The following UBXN7 variants were observed in gnomAD, a reference collection of about 807,000 sequenced individuals.
The protein encoded by UBXN7 is UBX domain-containing protein 7.
UBXN7 carries 9 observed loss-of-function variants against 58.0 expected under a neutral mutation model. The observed-to-expected ratio is 0.16, with a 90% CI of 0.09 to 0.27. The LOEUF (loss-of-function observed/expected upper bound fraction) is 0.27, where lower values mean the gene tolerates loss of function less well. UBXN7 is among the 10% of genes least tolerant of loss of function. The probability of loss-of-function intolerance (pLI) is 1.00; values close to 1 mark genes in which losing one functional copy is unlikely to be tolerated. For missense variants in UBXN7, 328 were observed against 599.6 expected (o/e 0.55, Z 4.73); for synonymous variants, 208 against 205.0 (o/e 1.01, Z -0.12).
intron 1 of UBXN7, among the ~76,000 whole-genome samples, chr3:196,409,865 C>T (rs1730268124): frequency 6.6e-6 from 1 of 152,052 alleles, no homozygotes; most frequent in African/African-American, 2.4e-5. Flanking sequence ...TCCACCAGAC[C>T]TGCTTTAAAG....
chr3:196,362,819 G>A (rs1728540079), intron 8 of UBXN7, 132 bp from the exon 9 acceptor site: 3 of 1,178,296 alleles, frequency 2.5e-6, no homozygotes, highest in African/African-American at 1.5e-5. Context: ...TACTTTAAGA[G>A]CAAGGACTGT....
chr3:196,371,607 G>A (rs1728833964), intron 6 of UBXN7, among the ~76,000 whole-genome samples: 1 of 151,814 alleles, frequency 6.6e-6, no homozygotes, highest in Non-Finnish European at 1.5e-5. Flanking sequence ...TCAGCCTCCC[G>A]AGTAGCTGGG....
chr3:196,428,309 C>T (rs531766233), intron 1 of UBXN7, among the ~76,000 whole-genome samples: 15 of 151,892 alleles, frequency 9.9e-5, no homozygotes, highest in African/African-American at 3.6e-4. Flanking sequence ...TGTATTTTAG[C>T]TGGGCATGGT....
intron 5 of UBXN7, among the ~76,000 whole-genome samples, chr3:196,384,551 A>G (rs549112307): frequency 6.6e-6 from 1 of 152,366 alleles, no homozygotes; most frequent in East Asian, 1.9e-4. Flanking sequence ...AAAATCCTCA[A>G]TAAAATACTG....
chr3:196,390,680 G>A (rs569659693), intron 5 of UBXN7, among the ~76,000 whole-genome samples: 1 of 151,222 alleles, frequency 6.6e-6, no homozygotes, highest in Admixed American at 6.6e-5. Context: ...GGCGGAGGTT[G>A]CAGTGAGCTG....
At chr3:196,387,668 T>A (rs893777237) in intron 5 of UBXN7, among the ~76,000 whole-genome samples, 1 of 152,188 alleles carries the variant, frequency 6.6e-6, no homozygotes, top group African/African-American at 2.4e-5. Flanking sequence ...CATCTATCTA[T>A]GCAGCGAACA....
In UBXN7 at chr3:196,353,276, A is replaced by C. The variant is rs539838207; in HGVS notation, c.*3409T>G. 3 of 152,318 alleles carry C rather than the reference A, an allele frequency of 2.0e-5. No homozygotes were observed. The highest frequency in any genetic ancestry group is 2.0e-4 in the Admixed American group (3 of 15,294). The allele number at this position is 152,318 out of a possible 1,614,324, so 9.4% of individuals were successfully genotyped here. A position where few individuals can be genotyped will look rare whatever the true frequency, so the allele number is the denominator to read the frequency against. On this transcript the variant is annotated 3_prime_UTR_variant, in exon 11 of 11. Coordinates refer to ENST00000296328, the MANE Select transcript of UBXN7 (RefSeq NM_015562.2). The stretch of plus-strand genomic sequence containing the variant: ...ATAAGTTCTCTATACCTGTTTTCTT[A>C]ACATGGGAAGAAAGTATACATTTTG...
chr3:196,351,676 G>A lies in UBXN7; in HGVS notation c.*5009C>T, dbSNP rs114347396. 6.6e-6 allele frequency: 1 copy of A among 152,142 alleles called. No homozygotes were observed. The highest frequency in any genetic ancestry group is 1.5e-5 in the Non-Finnish European group (1 of 68,024). 9.4% of individuals were successfully genotyped at this position (152,142 alleles called of 1,614,324 possible). A position where few individuals can be genotyped will look rare whatever the true frequency, so the allele number is the denominator to read the frequency against. ...TCTAGTCCAATTATCTCATTTTTCA[G>A]ACGAGAAACCAGAGATTAAGAAGAA... On this transcript the variant is annotated 3_prime_UTR_variant, in exon 11 of 11. Coordinates refer to ENST00000296328, the MANE Select transcript of UBXN7 (RefSeq NM_015562.2).
intron 1 of UBXN7, among the ~76,000 whole-genome samples, chr3:196,421,649 C>G (rs572135367): frequency 6.6e-6 from 1 of 151,518 alleles, no homozygotes; most frequent in African/African-American, 2.4e-5. Context: ...TGGTGGCAGG[C>G]GCCTGTAGTC....
At chr3:196,371,254 G>C (rs1333829689) in intron 6 of UBXN7, among the ~76,000 whole-genome samples, 1 of 152,184 alleles carries the variant, frequency 6.6e-6, no homozygotes, top group Admixed American at 6.5e-5. Flanking sequence ...ACTCCAAATG[G>C]AGAAGGGGTG....
rs1425529093 is a variant in UBXN7, at chr3:196,401,294, T to TAC, written c.289+1657_289+1658insGT. Reference sequence around the variant, plus strand: ...AAAAAAATATATATATATATATATATATATACACACACACACACACACACA... The same window carrying TAC: ...AAAAAAATATATATATATATATATATACATATACACACACACACACACACACA... On this transcript the variant is annotated intron_variant, in intron 3 of 10. Coordinates refer to ENST00000296328, the MANE Select transcript of UBXN7 (RefSeq NM_015562.2). 2.3e-3 allele frequency among the ~76,000 whole-genome samples: 182 copies of TAC among 80,542 alleles called. 1 individual carries two copies. Among genetic ancestry groups the TAC allele is most frequent in the Non-Finnish European group, 3.1e-3 (141 of 45,232 alleles). 52.8% of individuals were successfully genotyped at this position (80,542 alleles called of 152,430 possible).
Position 196,350,927 on chromosome 3 carries a change from T to C in UBXN7, c.*5758A>G, listed in dbSNP as rs1728194120. ...TGAATGTCCATAGTACACAGCTGTC[T>C]TTAGCCTATTCATCAAGGCTGGTAT... On this transcript the variant is annotated 3_prime_UTR_variant, in exon 11 of 11. Transcript: ENST00000296328. 1 of 152,230 alleles carries C rather than the reference T, an allele frequency of 6.6e-6. No individual in the cohort carries two copies. The highest frequency in any genetic ancestry group is 6.5e-5 in the Admixed American group (1 of 15,274). The allele number at this position is 152,230 out of a possible 1,614,324, so 9.4% of individuals were successfully genotyped here.
intron 1 of UBXN7, among the ~76,000 whole-genome samples, chr3:196,411,981 C>T (rs1730342903): frequency 6.6e-6 from 1 of 152,028 alleles, no homozygotes; most frequent in Admixed American, 6.6e-5. Flanking sequence ...GTAAACCTGG[C>T]ACTTTGGGAG....
chr3:196,357,958 C>T (rs549425206), intron 10 of UBXN7, among the ~76,000 whole-genome samples: 1 of 152,070 alleles, frequency 6.6e-6, no homozygotes, highest in African/African-American at 2.4e-5. Context: ...ATGGCTTAAG[C>T]CTGGCAGGCA....
intron 8 of UBXN7, among the ~76,000 whole-genome samples, chr3:196,366,663 G>A (rs1302715998): frequency 7.2e-5 from 11 of 151,870 alleles, no homozygotes; most frequent in Admixed American, 1.3e-4. Flanking sequence ...AGGCTGAGGC[G>A]GGAGGATTGC....
In UBXN7 at chr3:196,391,677, T is replaced by C. The variant is rs565168018; in HGVS notation, c.468+136A>G. The C allele has an allele frequency of 5.7e-4, 334 of 581,130 alleles. 4 individuals are homozygous for C. The highest frequency in any genetic ancestry group is 5.0e-3 in the South Asian group (226 of 45,378). 36.0% of individuals were successfully genotyped at this position (581,130 alleles called of 1,614,324 possible). On this transcript the variant is annotated intron_variant, in intron 5 of 10. Coordinates refer to ENST00000296328, the MANE Select transcript of UBXN7 (RefSeq NM_015562.2). ...TGAGCCCAAGAGTTCAAGGCTGCAG[T>C]GAGCTATGATTGTGTCACTGCAGTC... is the stretch of plus-strand genomic sequence containing the variant.
At chr3:196,375,000 G>GGA (rs1728963705) in intron 5 of UBXN7, among the ~76,000 whole-genome samples, 2 of 28,078 alleles carry the variant, frequency 7.1e-5, no homozygotes, top group African/African-American at 4.3e-4. Flanking sequence ...GGGAGGGAGG[G>GGA]AGGGAGGAAG....
At chr3:196,403,673 C>CATT (rs1490524632) in intron 2 of UBXN7, among the ~76,000 whole-genome samples, 5 of 152,086 alleles carry the variant, frequency 3.3e-5, no homozygotes, top group Non-Finnish European at 7.4e-5. Context: ...AGCAATATCA[C>CATT]ATTACTACTA....
intron 1 of UBXN7, among the ~76,000 whole-genome samples, chr3:196,426,250 G>A (rs148242382): frequency 4.7e-4 from 71 of 151,916 alleles, no homozygotes; most frequent in African/African-American, 1.6e-3. Flanking sequence ...GCTGGGTGTC[G>A]TGACGCGCAT....
Sources: gnomAD v4.1 joint callset for allele counts (sites outside exome capture counted in the v4.1 genomes callset) on GRCh38, gnomAD v4.1.1 for gene constraint, MANE v1.5 for transcripts, NCBI Gene and HGNC (gene_info 2026-07-23, HGNC 2026-07-21) for gene names.